ZMIZ1: variants seen among roughly 807,000 people sequenced by gnomAD.
ZMIZ1 encodes zinc finger MIZ domain-containing protein 1.
Under a neutral mutation model 113.9 loss-of-function variants are expected in ZMIZ1, and 17 were observed. The ratio of observed to expected loss-of-function variants is 0.15; its 90% CI spans 0.10 to 0.22. The LOEUF (loss-of-function observed/expected upper bound fraction) is 0.22, where lower values mean the gene tolerates loss of function less well. Ranked by LOEUF, ZMIZ1 falls within the 10% of genes least tolerant of loss-of-function variation. The pLI is 1.00. For synonymous variants in ZMIZ1, 607 were observed against 603.1 expected (o/e 1.01, Z -0.09); for missense variants, 1,059 against 1,477.8 (o/e 0.72, Z 4.65).
chr10:79,187,444 C>G (rs908267061), intron 4 of ZMIZ1, among the ~76,000 whole-genome samples: 13 of 152,226 alleles, frequency 8.5e-5, no homozygotes, highest in African/African-American at 2.9e-4. Flanking sequence ...CCTCAGGTTC[C>G]TCTTCTGTGA....
intron 3 of ZMIZ1, among the ~76,000 whole-genome samples, chr10:79,140,970 CG>C (rs1564675738): frequency 6.6e-6 from 1 of 151,952 alleles, no homozygotes; most frequent in African/African-American, 2.4e-5. Flanking sequence ...TTTGTGGAGA[CG>C]GGGTCTCACT....
intron 7 of ZMIZ1, among the ~76,000 whole-genome samples, chr10:79,218,841 G>C (rs563335761): frequency 6.6e-6 from 1 of 152,226 alleles, no homozygotes; most frequent in South Asian, 2.1e-4. Flanking sequence ...CTTTTTGTCA[G>C]AACTAAGAGA....
At chr10:79,289,390 G>T (rs1297382853) in intron 8 of ZMIZ1, among the ~76,000 whole-genome samples, 2 of 152,180 alleles carry the variant, frequency 1.3e-5, no homozygotes, top group African/African-American at 4.8e-5. Flanking sequence ...AGGGTAAGGT[G>T]GTTTGGGGGA....
intron 4 of ZMIZ1, among the ~76,000 whole-genome samples, chr10:79,199,309 C>T (rs1164555107): frequency 6.6e-6 from 1 of 152,092 alleles, no homozygotes; most frequent in Non-Finnish European, 1.5e-5. Context: ...AGATTGAGAC[C>T]ATCCTGGCTA....
rs1489942706 is a variant in ZMIZ1, at chr10:79,282,090, T to G, written c.425+4765T>G. ...GTTACACAGTCTCTCCTTGCAACCT[T>G]TAGGAATTTCACAAAGGATAAATCC... On this transcript the variant is annotated intron_variant, in intron 8 of 24. Transcript: ENST00000334512. Among the ~76,000 whole-genome samples, 7 of 152,312 alleles carry G rather than the reference T, an allele frequency of 4.6e-5. No homozygotes were observed. In the East Asian group the frequency reaches 7.7e-4, roughly 17 times the overall value.
At position 79,292,422 on chromosome 10, in the gene ZMIZ1, C is replaced by G. The variant is rs929085574; in HGVS notation, c.957+66C>G. 3.8e-6 allele frequency: 6 copies of G among 1,564,608 alleles called. No homozygotes were observed. In the South Asian group the frequency reaches 5.9e-5, roughly 15 times the overall value. On this transcript the variant is annotated intron_variant, in intron 11 of 24. Transcript: ENST00000334512. The stretch of plus-strand genomic sequence containing the variant: ...AGCCAGGCAGACAGCCCTGGGAAAC[C>G]AGAGTTGGGATGTCAGTGCTTATGG...
At chr10:79,223,022 C>T (rs1849044619) in intron 7 of ZMIZ1, among the ~76,000 whole-genome samples, 1 of 152,216 alleles carries the variant, frequency 6.6e-6, no homozygotes, top group Non-Finnish European at 1.5e-5. Context: ...GTGGTGGGGA[C>T]ATTCCTGGTC....
At chr10:79,122,673 C>T (rs141723708) in intron 2 of ZMIZ1, among the ~76,000 whole-genome samples, 9 of 152,262 alleles carry the variant, frequency 5.9e-5, no homozygotes, top group South Asian at 4.1e-4. Flanking sequence ...CTACAGTGTG[C>T]GAAGTCCTTT....
chr10:79,242,036 T>TG (rs538769450), intron 7 of ZMIZ1, among the ~76,000 whole-genome samples: 97 of 151,936 alleles, frequency 6.4e-4, no homozygotes, highest in Admixed American at 2.6e-3. Context: ...TGGGTGGGGC[T>TG]GGGGGAGGGA....
intron 23 of ZMIZ1, among the ~76,000 whole-genome samples, chr10:79,308,277 G>A (rs1479739225): frequency 2.0e-5 from 3 of 152,228 alleles, no homozygotes. Flanking sequence ...TGTGACAGGT[G>A]TAAGCAAGAC....
At chr10:79,215,444 C>T (rs1232369235) in intron 6 of ZMIZ1, among the ~76,000 whole-genome samples, 2 of 152,012 alleles carry the variant, frequency 1.3e-5, no homozygotes, top group African/African-American at 4.8e-5. Flanking sequence ...GGATTACAGG[C>T]GCCTGCCACA....
Position 79,296,204 on chromosome 10 carries a change from G to C in ZMIZ1, c.1231-267G>C. 1 of 537,808 alleles carries C rather than the reference G, an allele frequency of 1.9e-6. No homozygotes were observed. The highest frequency in any genetic ancestry group is 3.3e-6 in the Non-Finnish European group (1 of 300,178). The allele number at this position is 537,808 out of a possible 1,614,324, so 33.3% of individuals were successfully genotyped here. ...CCCCTCATAATGGTGTGAGCAAGAG[G>C]CTCTGAAAGTGTCCCTGGAGTTCAG... is the stretch of plus-strand genomic sequence containing the variant. On this transcript the variant is annotated intron_variant, in intron 12 of 24. Transcript: ENST00000334512. The surrounding 1 kb of genome is among the most constrained non-coding windows in gnomAD (Gnocchi z 4.1).
At chr10:79,103,426 C>T (rs1045057457) in intron 1 of ZMIZ1, among the ~76,000 whole-genome samples, 3 of 151,920 alleles carry the variant, frequency 2.0e-5, no homozygotes, top group African/African-American at 7.3e-5. Flanking sequence ...TGGGCAGATC[C>T]GCACGCGGGG....
chr10:79,138,483 C>T (rs755674453), intron 2 of ZMIZ1, among the ~76,000 whole-genome samples: 11 of 152,334 alleles, frequency 7.2e-5, no homozygotes, highest in Admixed American at 5.9e-4. Flanking sequence ...CAAGATGCTT[C>T]GTGCCCATCC....
intron 1 of ZMIZ1, among the ~76,000 whole-genome samples, chr10:79,070,051 G>C (rs1460858098): frequency 1.3e-5 from 2 of 148,614 alleles, no homozygotes; most frequent in South Asian, 4.2e-4. Flanking sequence ...ATTTCCCCGT[G>C]TTCTTTCTTC....
At chr10:79,104,406 G>C (rs932848320) in intron 1 of ZMIZ1, among the ~76,000 whole-genome samples, 3 of 152,212 alleles carry the variant, frequency 2.0e-5, no homozygotes, top group African/African-American at 7.2e-5. Context: ...TTGGGTCAGA[G>C]GGACCAGATT....
At chr10:79,233,123 G>C (rs886702698) in intron 7 of ZMIZ1, among the ~76,000 whole-genome samples, 5 of 152,198 alleles carry the variant, frequency 3.3e-5, no homozygotes, top group African/African-American at 7.2e-5. Flanking sequence ...GGGCCCAAGG[G>C]GGGTGTGGGC....
intron 7 of ZMIZ1, among the ~76,000 whole-genome samples, chr10:79,246,304 G>A (rs1050096590): frequency 6.6e-6 from 1 of 152,256 alleles, no homozygotes; most frequent in Non-Finnish European, 1.5e-5. Context: ...CTTGGTGCCA[G>A]TAGGCGTCAG....
intron 23 of ZMIZ1, among the ~76,000 whole-genome samples, chr10:79,308,979 T>A (rs1189672003): frequency 6.6e-6 from 1 of 152,190 alleles, no homozygotes; most frequent in East Asian, 1.9e-4. Flanking sequence ...GCTCTCTAGA[T>A]GGTCCTGTCC....
Sources: allele counts gnomAD v4.1 joint callset (sites outside exome capture counted in the v4.1 genomes callset), GRCh38; gene constraint gnomAD v4.1.1; non-coding constraint Gnocchi (gnomAD v3.1); transcripts MANE v1.5; gene names NCBI Gene and HGNC (gene_info 2026-07-23, HGNC 2026-07-21).